TMEM74: variants seen among roughly 807,000 people sequenced by gnomAD.
TMEM74 encodes the protein transmembrane protein 74.
In TMEM74, 13 loss-of-function variants were observed where a neutral mutation model predicts 18.1. The ratio of observed to expected loss-of-function variants is 0.72; its 90% confidence interval spans 0.47 to 1.14. TMEM74 has a LOEUF of 1.14. Ranked by LOEUF, TMEM74 falls within the 50% of genes most tolerant of loss-of-function variation. The pLI is 0.00. For synonymous variants in TMEM74, 159 were observed against 146.6 expected (o/e 1.08, Z -0.61); for missense variants, 372 against 375.9 (o/e 0.99, Z 0.09).
chr8:108,710,744 G>A (rs1189434901), intron 1 of TMEM74, among the ~76,000 whole-genome samples: 4 of 152,192 alleles, frequency 2.6e-5, no homozygotes, highest in Admixed American at 2.6e-4. Flanking sequence ...CTCTGGGTAT[G>A]AGCGAGCGGA....
chr8:108,751,414 C>T (rs903741273), intron 1 of TMEM74, among the ~76,000 whole-genome samples: 1 of 152,056 alleles, frequency 6.6e-6, no homozygotes, highest in African/African-American at 2.4e-5. Flanking sequence ...GAATTTGAAT[C>T]CTGGCTCTGT....
At chr8:108,666,985 A>G (rs533796117) in intron 1 of TMEM74, among the ~76,000 whole-genome samples, 7 of 152,276 alleles carry the variant, frequency 4.6e-5, no homozygotes, top group South Asian at 2.1e-4. Context: ...TACATCATCC[A>G]TTTAAAATAG....
chr8:108,655,387 T>C (rs901405777), exon 2 of TMEM74: 1 of 152,066 alleles, frequency 6.6e-6, no homozygotes, highest in African/African-American at 2.4e-5. Context: ...GGAGAATAGC[T>C]TGAGCCCAGG....
chr8:108,702,361 A>G (rs1169601899), intron 1 of TMEM74, among the ~76,000 whole-genome samples: 1 of 150,958 alleles, frequency 6.6e-6, no homozygotes, highest in Non-Finnish European at 1.5e-5. Flanking sequence ...AAAAAAAAAA[A>G]AGAAAGAAAA....
At chr8:108,771,713 G>A (rs1814175198) in intron 1 of TMEM74, among the ~76,000 whole-genome samples, 1 of 152,100 alleles carries the variant, frequency 6.6e-6, no homozygotes, top group Non-Finnish European at 1.5e-5. Flanking sequence ...CAATCTCCCT[G>A]TTGTTGAGAT....
At chr8:108,629,548 T>C (rs759464214) in intron 2 of TMEM74, among the ~76,000 whole-genome samples, 21 of 151,870 alleles carry the variant, frequency 1.4e-4, no homozygotes, top group Non-Finnish European at 2.6e-4. Flanking sequence ...TCTCCAAGGT[T>C]GAAATGAGGG....
rs377113504 is a variant in TMEM74 at position 108,722,598 on chromosome 8, A to C, written n.119+64878T>G. 5.3e-5 allele frequency among the ~76,000 whole-genome samples: 8 copies of C among 152,338 alleles called. No homozygotes were observed. In the East Asian group the frequency reaches 1.3e-3, roughly 26 times the overall value. On this transcript the variant is annotated intron_variant and non_coding_transcript_variant, in intron 1 of 3. Transcript: ENST00000518838. Reference sequence around the variant, plus strand: ...TCTACCTTCAGGCTTCTATTTCAGTAACAGGGTAATAATGCTTACCTTGTT... The same window carrying C: ...TCTACCTTCAGGCTTCTATTTCAGTCACAGGGTAATAATGCTTACCTTGTT...
intron 1 of TMEM74, among the ~76,000 whole-genome samples, chr8:108,742,847 T>G (rs1813815035): frequency 6.6e-6 from 1 of 152,110 alleles, no homozygotes; most frequent in South Asian, 2.1e-4. Context: ...AATGAAGGCA[T>G]AAAGTGGAAG....
At chr8:108,634,825 G>A (rs1812591262) in intron 2 of TMEM74, among the ~76,000 whole-genome samples, 2 of 151,982 alleles carry the variant, frequency 1.3e-5, no homozygotes, top group African/African-American at 4.8e-5. Context: ...CAGCACCAAG[G>A]AGCCTCCAGA....
intron 1 of TMEM74, among the ~76,000 whole-genome samples, chr8:108,714,564 C>A (rs769229923): frequency 2.6e-5 from 4 of 152,094 alleles, no homozygotes; most frequent in Admixed American, 6.5e-5. Flanking sequence ...GAAAAGGGAA[C>A]GCTTATACAC....
chr8:108,613,096 A>G (rs1294649190), intron 2 of TMEM74, among the ~76,000 whole-genome samples: 5 of 152,288 alleles, frequency 3.3e-5, no homozygotes. Flanking sequence ...TCATATTCAA[A>G]TGGACAATTT....
chr8:108,649,768 A>C (rs541829177), intron 2 of TMEM74, among the ~76,000 whole-genome samples: 24 of 152,224 alleles, frequency 1.6e-4, no homozygotes, highest in African/African-American at 5.8e-4. Flanking sequence ...ACACAGTCTT[A>C]CTTCTGCACT....
intron 1 of TMEM74, among the ~76,000 whole-genome samples, chr8:108,686,365 A>T (rs1026369112): frequency 6.8e-6 from 1 of 148,084 alleles, no homozygotes. Context: ...CGCCCGGCTA[A>T]TTTTTTTTTT....
chr8:108,778,963 A>G (rs1419349382), downstream of TMEM74, among the ~76,000 whole-genome samples: 6 of 152,208 alleles, frequency 3.9e-5, no homozygotes, highest in Non-Finnish European at 1.5e-5. Context: ...AAGAAGAATG[A>G]CAAACCTAAA....
At chr8:108,752,288 A>T (rs1214325118) in intron 1 of TMEM74, among the ~76,000 whole-genome samples, 1 of 152,114 alleles carries the variant, frequency 6.6e-6, no homozygotes, top group Non-Finnish European at 1.5e-5. Flanking sequence ...AGATAACAAA[A>T]GTTCTTTACA....
At chr8:108,716,700 A>G (rs556221545) in intron 1 of TMEM74, among the ~76,000 whole-genome samples, 1 of 151,992 alleles carries the variant, frequency 6.6e-6, no homozygotes, top group African/African-American at 2.4e-5. Context: ...GAACTATTAA[A>G]AATAAAATGA....
At chr8:108,731,977 C>T (rs1403824898) in intron 1 of TMEM74, among the ~76,000 whole-genome samples, 1 of 151,980 alleles carries the variant, frequency 6.6e-6, no homozygotes, top group Non-Finnish European at 1.5e-5. Flanking sequence ...TTAACAGCAG[C>T]GTTTTCTGAT....
intron 2 of TMEM74, among the ~76,000 whole-genome samples, chr8:108,610,661 G>A (rs1812325553): frequency 6.6e-6 from 1 of 152,138 alleles, no homozygotes; most frequent in African/African-American, 2.4e-5. Flanking sequence ...TCCAGGCTGG[G>A]GAACCAGCAG....
Position 108,668,495 on chromosome 8 carries a change from G to GTAC in TMEM74, n.120-13061_120-13059dup, listed in dbSNP as rs144631830. On this transcript the variant is annotated intron_variant and non_coding_transcript_variant, in intron 1 of 3. Coordinates refer to the TMEM74 transcript ENST00000518838. Reference sequence around the variant, plus strand: ...AACAATAGCACCAGCTCTAACTCTGGTACTACTACTACTATTGGTAATTCT... The same window carrying GTAC: ...AACAATAGCACCAGCTCTAACTCTGGTACTACTACTACTACTATTGGTAATTCT... 7.5e-3 allele frequency among the ~76,000 whole-genome samples: 1,144 copies of GTAC among 152,114 alleles called. 15 individuals are homozygous for GTAC. The highest frequency in any genetic ancestry group is 0.026 in the African/African-American group (1,095 of 41,508).
Sources: allele counts gnomAD v4.1 joint callset (sites outside exome capture counted in the v4.1 genomes callset), GRCh38; gene constraint gnomAD v4.1.1; transcripts MANE v1.5; gene names NCBI Gene and HGNC (gene_info 2026-07-23, HGNC 2026-07-21).